Variants in NBPF12 observed in about 807,000 individuals in gnomAD.
NBPF12 encodes the protein NBPF family member NBPF12.
In NBPF12, 115 loss-of-function variants were observed where a neutral mutation model predicts 146.4. That is an observed-to-expected ratio of 0.79 (90% CI 0.68 to 0.92). NBPF12 has a LOEUF of 0.92. Ranked by LOEUF, NBPF12 falls within the 40% of genes least tolerant of loss-of-function variation. The probability of loss-of-function intolerance (pLI) is 0.00; values close to 1 mark genes in which losing one functional copy is unlikely to be tolerated. For synonymous variants in NBPF12, 385 were observed against 508.9 expected, an observed-to-expected ratio of 0.76 and a Z score of 3.28; for missense variants, 1,205 against 1,326.8, an observed-to-expected ratio of 0.91 and a Z score of 1.43.
At position 146,970,732 on chromosome 1, in the gene NBPF12, A is replaced by G. The variant is rs1656547417; in HGVS notation, c.1379+13A>G. ...CATCTTCCCCCAGGTGACACTGAAT[A>G]CTCAGGAGCAAGTAATGGGTGTTAA... is the stretch of plus-strand genomic sequence containing the variant. On this transcript the variant is annotated intron_variant, in intron 12 of 33. Transcript: ENST00000617844. 13 of 1,339,606 alleles carry G rather than the reference A, an allele frequency of 9.7e-6. No individual in the cohort carries two copies. The highest frequency in any genetic ancestry group is 1.4e-5 in the Non-Finnish European group (13 of 932,494). The allele number at this position is 1,339,606 out of a possible 1,614,324, so 83.0% of individuals were successfully genotyped here.
chr1:146,994,362 GC>G lies in NBPF12; in HGVS notation c.4163del (p.Pro1388LeufsTer53). On this transcript the variant is annotated frameshift_variant, in exon 34 of 34. Coordinates refer to ENST00000617844, the Ensembl canonical transcript of NBPF12. LOFTEE classifies it high-confidence loss of function. ...ACAGCGTGCTGATGGAAGTGGAAGA[GC>G]CTGAAGTCTTGCAGGACTCACTGGA... 1.2e-6 allele frequency: 2 copies of G among 1,612,178 alleles called. No individual in the cohort carries two copies. The highest frequency in any genetic ancestry group is 2.2e-5 in the South Asian group (2 of 90,994).
At chr1:146,959,890 C>T in exon 3 of NBPF12, 1 of 202,260 alleles carries the variant, frequency 4.9e-6, no homozygotes, top group Admixed American at 1.2e-4. Flanking sequence ...CACAATCTAC[C>T]TCACTCTTAT....
chr1:146,950,726 A>G (rs1386934154), intron 1 of NBPF12, among the ~76,000 whole-genome samples: 2 of 152,060 alleles, frequency 1.3e-5, no homozygotes, highest in African/African-American at 4.8e-5. Context: ...GAATGAATGT[A>G]TCACATTCTT....
chr1:146,965,249 C>T, intron 8 of NBPF12, 145 bp downstream of exon 11: 1 of 682,556 alleles, frequency 1.5e-6, no homozygotes, highest in Non-Finnish European at 2.7e-6. Flanking sequence ...CATATAATCA[C>T]AGCACTTTGG....
Position 146,958,171 on chromosome 1 carries a change from G to A in NBPF12, c.-183-1688G>A, listed in dbSNP as rs1448229909. Among the ~76,000 whole-genome samples, 39 of 115,630 alleles carry A rather than the reference G, an allele frequency of 3.4e-4. 4 individuals are homozygous for A. The highest frequency in any genetic ancestry group is 6.0e-4 in the Non-Finnish European group (32 of 53,326). 75.9% of individuals were successfully genotyped at this position (115,630 alleles called of 152,430 possible). A position where few individuals can be genotyped will look rare whatever the true frequency, so the allele number is the denominator to read the frequency against. On this transcript the variant is annotated intron_variant, in intron 2 of 33. Coordinates refer to ENST00000617844, the Ensembl canonical transcript of NBPF12. Reference sequence around the variant, plus strand: ...CCCATGACAGGCCCTGGTGTGTGATGTTCCCCGCCCTGTGTCCAAGTGTTC... The same window carrying A: ...CCCATGACAGGCCCTGGTGTGTGATATTCCCCGCCCTGTGTCCAAGTGTTC...
intron 4 of NBPF12, among the ~76,000 whole-genome samples, chr1:146,961,329 C>A (rs1454030404): frequency 3.3e-5 from 5 of 151,400 alleles, no homozygotes; most frequent in Non-Finnish European, 7.4e-5. Context: ...CAGCCTGTCT[C>A]CTGGGCTCCA....
At chr1:146,947,621 A>G (rs1457390280), upstream of NBPF12, among the ~76,000 whole-genome samples, 4 of 121,576 alleles carry the variant, frequency 3.3e-5, no homozygotes, top group Non-Finnish European at 5.1e-5. Context: ...ACATTTTGTC[A>G]CTTCCCAAAT....
At chr1:146,964,234 C>T (rs1656047077) in intron 6 of NBPF12, 123 bp from the exon 10 acceptor site, 7 of 1,461,796 alleles carry the variant, frequency 4.8e-6, no homozygotes, top group South Asian at 2.4e-5. Flanking sequence ...AAGGATAAAA[C>T]ATGAGAGTTT....
chr1:146,964,521 A>T, intron 7 of NBPF12, 92 bp downstream of exon 10: 1 of 1,580,166 alleles, frequency 6.3e-7, no homozygotes, highest in Non-Finnish European at 8.7e-7. Context: ...GTGGGCCAAA[A>T]GCCCGCATTC....
chr1:146,971,376 G>T, exon 13 of NBPF12: 3 of 1,610,894 alleles, frequency 1.9e-6, no homozygotes, highest in South Asian at 1.1e-5. Context: ...ATGTCAGGAT[G>T]CTCTAAACAT....
At chr1:146,972,318 C>T (rs1346020846) in intron 13 of NBPF12, among the ~76,000 whole-genome samples, 17 of 150,944 alleles carry the variant, frequency 1.1e-4, no homozygotes, top group South Asian at 8.4e-4. Context: ...CGCTTGAACC[C>T]GGGAGGCAGA....
chr1:146,960,577 G>T (rs1655785940), intron 4 of NBPF12, among the ~76,000 whole-genome samples: 1 of 152,046 alleles, frequency 6.6e-6, no homozygotes, highest in Non-Finnish European at 1.5e-5. Context: ...GGCACAGAAT[G>T]ACCTGTTTTC....
chr1:146,980,704 T>C (rs1377934915), intron 19 of NBPF12, among the ~76,000 whole-genome samples: 1 of 151,442 alleles, frequency 6.6e-6, no homozygotes, highest in Non-Finnish European at 1.5e-5. Context: ...AGTTCAACGA[T>C]TGTGGAAGGC....
At position 146,980,308 on chromosome 1, in the gene NBPF12, C is replaced by A. The variant is rs1420442967; in HGVS notation, c.2450+1298C>A. 7.2e-5 allele frequency among the ~76,000 whole-genome samples: 11 copies of A among 151,994 alleles called. 1 individual carries two copies. The highest frequency in any genetic ancestry group is 1.7e-4 in the African/African-American group (7 of 41,426). On this transcript the variant is annotated intron_variant, in intron 19 of 33. Coordinates refer to ENST00000617844, the Ensembl canonical transcript of NBPF12. Reference sequence around the variant, plus strand: ...GTTTTTTAACTGGGGCATTTAGCCCCTTTACATTTAAGGTTAATATTGTTA... The same window carrying A: ...GTTTTTTAACTGGGGCATTTAGCCCATTTACATTTAAGGTTAATATTGTTA...
chr1:146,963,688 T>A (rs1332035138), intron 6 of NBPF12, among the ~76,000 whole-genome samples: 2 of 151,720 alleles, frequency 1.3e-5, no homozygotes, highest in Admixed American at 1.3e-4. Context: ...GTGAGTGATT[T>A]ATCTTTCCAG....
intron 9 of NBPF12, among the ~76,000 whole-genome samples, chr1:146,967,936 G>A (rs1236397963): frequency 1.4e-5 from 2 of 144,382 alleles, no homozygotes; most frequent in East Asian, 2.1e-4. Flanking sequence ...CACACTTTAT[G>A]CTTCAGATAT....
chr1:146,964,766 G>A, intron 7 of NBPF12, 127 bp from the exon 11 acceptor site: 2 of 1,473,918 alleles, frequency 1.4e-6, no homozygotes, highest in Non-Finnish European at 1.9e-6. Flanking sequence ...CCCTCTTTAA[G>A]GGAACCTCCA....
At chr1:146,995,953 A>G (rs1406029286) in exon 34 of NBPF12, 9 of 150,436 alleles carry the variant, frequency 6.0e-5, no homozygotes. Context: ...CTACGCTGCA[A>G]ATTTTGGGTC....
At chr1:146,974,417 G>A (rs1480686683) in intron 14 of NBPF12, among the ~76,000 whole-genome samples, 1 of 136,694 alleles carries the variant, frequency 7.3e-6, no homozygotes, top group Non-Finnish European at 1.5e-5. Flanking sequence ...TAGAGGAGAG[G>A]CTGCAAGTCT....
Sources: allele counts gnomAD v4.1 joint callset (sites outside exome capture counted in the v4.1 genomes callset), GRCh38; gene constraint gnomAD v4.1.1; transcripts MANE v1.5; gene names NCBI Gene and HGNC (gene_info 2026-07-23, HGNC 2026-07-21).